The following CTSC variants were observed in gnomAD, a reference collection of about 807,000 sequenced individuals.
The protein encoded by CTSC is dipeptidyl peptidase 1.
In CTSC, 37 loss-of-function variants were observed where a neutral mutation model predicts 40.9. That is an observed-to-expected ratio of 0.91 (90% CI 0.70 to 1.19). The LOEUF (loss-of-function observed/expected upper bound fraction) is 1.19, where lower values mean the gene tolerates loss of function less well. Among genes scored for constraint, CTSC ranks in the 50% most tolerant of loss-of-function variants. The pLI is 0.00. For missense variants in CTSC, 594 were observed against 567.3 expected (o/e 1.05, Z -0.48); for synonymous variants, 232 against 207.4 (o/e 1.12, Z -1.02).
chr11:88,316,272 C>T (rs1052996626), intron 2 of CTSC, among the ~76,000 whole-genome samples: 2 of 152,136 alleles, frequency 1.3e-5, no homozygotes. Flanking sequence ...TGATCCTGAG[C>T]AAGTCACGTT....
intron 2 of CTSC, chr11:88,334,719 C>A: frequency 1.9e-6 from 1 of 515,292 alleles, no homozygotes; most frequent in East Asian, 3.3e-5. Flanking sequence ...ATAATTTATA[C>A]ATATTCAAAT....
At chr11:88,336,474 G>A (rs929447777) in intron 1 of CTSC, among the ~76,000 whole-genome samples, 14 of 150,890 alleles carry the variant, frequency 9.3e-5, no homozygotes, top group Non-Finnish European at 1.5e-4. Flanking sequence ...GGGAGGCGGA[G>A]GTTGCAGTGA....
rs1024252497 is a variant in CTSC at position 88,300,634 on chromosome 11, G to A, written c.653C>T (p.Ala218Val). ...HSRKIPRPKPAPLTAEIQQKI... is the reference protein window; with the variant it reads ...HSRKIPRPKPVPLTAEIQQKI... ...TTGCTGTATTTCAGCAGTCAGTGGT[G>A]CAGGTTTGGGCCTAGAAAGGAAATA... Residue 218 changes from alanine to valine, a missense_variant, in exon 5 of 7, where the codon GCA (alanine) becomes GTA (valine). By Grantham distance (64) the Ala-to-Val change is moderately conservative (BLOSUM62 0). Coordinates refer to ENST00000227266, the MANE Select transcript of CTSC (RefSeq NM_001814.6). 1 of 1,608,518 alleles carries A rather than the reference G, an allele frequency of 6.2e-7. No homozygotes were observed. Among genetic ancestry groups the A allele is most frequent in the Non-Finnish European group, 8.5e-7 (1 of 1,174,908 alleles).
At chr11:88,295,308 G>A (rs1944285676) in intron 6 of CTSC, among the ~76,000 whole-genome samples, 1 of 151,988 alleles carries the variant, frequency 6.6e-6, no homozygotes, top group African/African-American at 2.4e-5. Flanking sequence ...AAATGGTAAC[G>A]TTTCTCCCTC....
intron 2 of CTSC, chr11:88,326,248 T>G: frequency 6.6e-7 from 1 of 1,517,570 alleles, no homozygotes; most frequent in Non-Finnish European, 8.8e-7. Flanking sequence ...GGCAGCTGCC[T>G]TGGAGGTAGG....
At position 88,333,763 on chromosome 11, in the gene CTSC, G is replaced by A. The variant is rs79347795; in HGVS notation, c.318+1174C>T. Among the ~76,000 whole-genome samples the A allele has an allele frequency of 7.7e-3, 1,173 of 152,288 alleles. 12 individuals carry two copies. The highest frequency in any genetic ancestry group is 0.026 in the African/African-American group (1,095 of 41,554). On this transcript the variant is annotated intron_variant, in intron 2 of 6. Transcript: ENST00000227266. Reference sequence around the variant, plus strand: ...ATAGTTAACAACTGGTTAAGCATGGGTTTCCACTAATTCAGTGGACTGGTG... The same window carrying A: ...ATAGTTAACAACTGGTTAAGCATGGATTTCCACTAATTCAGTGGACTGGTG...
intron 2 of CTSC, among the ~76,000 whole-genome samples, chr11:88,314,546 C>G (rs1227454190): frequency 6.6e-6 from 1 of 151,914 alleles, no homozygotes; most frequent in Non-Finnish European, 1.5e-5. Context: ...CTCTTTTTTT[C>G]AGACAGAGTC....
At chr11:88,332,872 A>G (rs1256955758) in intron 2 of CTSC, among the ~76,000 whole-genome samples, 2 of 152,266 alleles carry the variant, frequency 1.3e-5, no homozygotes, top group East Asian at 3.8e-4. Context: ...CCATATGATT[A>G]GGCAGGGTTC....
Position 88,312,436 on chromosome 11 carries a change from GA to G in CTSC, c.436del (p.Ser146LeufsTer8). On this transcript the variant is annotated frameshift_variant, in exon 3 of 7. Transcript: ENST00000227266. LOFTEE classifies it high-confidence loss of function. Reference sequence around the variant, plus strand: ...TGCTATGTTGACATACACATTCTCAGAGGCAGTTCCCACCTTCTTTCCGGTG... The same window carrying G: ...TGCTATGTTGACATACACATTCTCAGGGCAGTTCCCACCTTCTTTCCGGTG... Reference protein sequence around the residue: ...CFTGKKVGTASENVYVNIAHL... With the variant: ...CFTGKKVGTAXENVYVNIAHL... 1 of 1,614,124 alleles carries G rather than the reference GA, an allele frequency of 6.2e-7. No individual in the cohort carries two copies. The highest frequency in any genetic ancestry group is 8.5e-7 in the Non-Finnish European group (1 of 1,180,018).
chr11:88,315,544 A>G (rs893554538), intron 2 of CTSC, among the ~76,000 whole-genome samples: 1 of 152,232 alleles, frequency 6.6e-6, no homozygotes. Flanking sequence ...CAGCATGCCC[A>G]TTCATTTATA....
rs533875954 is a variant in CTSC, at chr11:88,300,565, T to C, written c.722A>G (p.His241Arg). The C allele has an allele frequency of 2.5e-6, 4 of 1,613,400 alleles. No homozygotes were observed. The highest frequency in any genetic ancestry group is 2.7e-5 in the African/African-American group (2 of 75,054). Residue 241 changes from histidine to arginine, a missense_variant, in exon 5 of 7, where the codon CAT (histidine) becomes CGT (arginine). Physicochemically the swap from His to Arg is conservative, Grantham distance 29. Transcript: ENST00000227266. Reference sequence around the variant, plus strand: ...AACAGGACTGACAAAATTGATACCATGAACATTTCTCCAGTCCCAAGATGT... The same window carrying C: ...AACAGGACTGACAAAATTGATACCACGAACATTTCTCCAGTCCCAAGATGT... ...LPTSWDWRNV[H>R]GINFVSPVRN...
intron 2 of CTSC, chr11:88,327,877 G>C (rs1372219114): frequency 1.9e-6 from 1 of 532,854 alleles, no homozygotes; most frequent in African/African-American, 1.9e-5. Context: ...ATTCTTGGGA[G>C]AGCTGATTTG....
rs1443264504 is a variant in CTSC, at chr11:88,296,160, C to T, written c.862G>A (p.Val288Ile). ...SQTPILSPQE[V>I]VSCSQYAQGC... ...TGAGCATACTGGCTACAAGACACAACCTCCTGAGGGCTTAGGATTGGGGTC... is the reference window on the plus strand; with the variant it reads ...TGAGCATACTGGCTACAAGACACAATCTCCTGAGGGCTTAGGATTGGGGTC... The change falls in exon 6 of 7, where the codon GTT becomes ATT. Residue 288 changes from valine to isoleucine, a missense_variant. Coordinates refer to ENST00000227266, the MANE Select transcript of CTSC (RefSeq NM_001814.6). 4.3e-6 allele frequency: 7 copies of T among 1,614,030 alleles called. No individual in the cohort carries two copies. Among genetic ancestry groups the T allele is most frequent in the Non-Finnish European group, 5.9e-6 (7 of 1,179,948 alleles).
chr11:88,335,083 CT>C lies in CTSC; in HGVS notation c.173-2del. 1 of 1,561,044 alleles carries C rather than the reference CT, an allele frequency of 6.4e-7. No individual in the cohort carries two copies. The highest frequency in any genetic ancestry group is 1.7e-5 in the Admixed American group (1 of 57,884). On this transcript the variant is annotated splice_acceptor_variant, in intron 1 of 6. Coordinates refer to ENST00000227266, the MANE Select transcript of CTSC (RefSeq NM_001814.6). LOFTEE classifies it high-confidence loss of function. ...ACCACTACTTTTTTTTCTTGTGGTC[CT>C]AAAGAAAAAAAAAAAAAGCACAATA...
chr11:88,337,524 C>A lies in CTSC; in HGVS notation c.149G>T (p.Arg50Leu). ...VFQVGSSGSQ[R>L]DVNCSVMGPQ... The stretch of plus-strand genomic sequence containing the variant: ...ACCCATAACCGAGCAGTTGACATCG[C>A]GCTGGGAACCGCTGGAGCCCACCTG... The change falls in exon 1 of 7, where the codon CGC (arginine) becomes CTC (leucine). Residue 50 changes from arginine (R) to leucine (L), a missense_variant. Arg to Leu is a moderately radical substitution (Grantham distance 102). Coordinates refer to ENST00000227266, the MANE Select transcript of CTSC (RefSeq NM_001814.6). 1.9e-6 allele frequency: 3 copies of A among 1,574,236 alleles called. No individual in the cohort carries two copies. The highest frequency in any genetic ancestry group is 2.6e-6 in the Non-Finnish European group (3 of 1,158,860).
intron 4 of CTSC, among the ~76,000 whole-genome samples, chr11:88,303,569 G>A (rs771985950): frequency 5.9e-5 from 9 of 152,186 alleles, no homozygotes; most frequent in Non-Finnish European, 1.0e-4. Context: ...GGGGGAAGGG[G>A]CACACAGCTT....
chr11:88,320,740 G>A (rs1275187999), intron 2 of CTSC: 38 of 874,552 alleles, frequency 4.3e-5, no homozygotes, highest in Non-Finnish European at 5.2e-5. Context: ...ATGGCCTGAG[G>A]GCCCACCATA....
At chr11:88,330,427 C>A (rs542094484) in intron 2 of CTSC, among the ~76,000 whole-genome samples, 50 of 151,966 alleles carry the variant, frequency 3.3e-4, no homozygotes, top group Non-Finnish European at 7.1e-4. Context: ...CGGCTCACTG[C>A]AACCTCTGCC....
intron 3 of CTSC, among the ~76,000 whole-genome samples, chr11:88,310,790 T>C (rs1030665838): frequency 6.6e-6 from 1 of 152,214 alleles, no homozygotes; most frequent in African/African-American, 2.4e-5. Context: ...CATTGTTTCT[T>C]TAGGCAAAAG....
Sources: gnomAD v4.1 joint callset for allele counts (sites outside exome capture counted in the v4.1 genomes callset) on GRCh38, gnomAD v4.1.1 for gene constraint, MANE v1.5 for transcripts, NCBI Gene and HGNC (gene_info 2026-07-23, HGNC 2026-07-21) for gene names.